SEL1L2: variants seen among roughly 807,000 people sequenced by gnomAD.
The protein encoded by SEL1L2 is protein sel-1 homolog 2.
A neutral mutation model predicts 98.8 loss-of-function variants in SEL1L2; 89 were observed. That is an observed-to-expected ratio of 0.90 (90% CI 0.76 to 1.07). The LOEUF (loss-of-function observed/expected upper bound fraction) is 1.07. Ranked by LOEUF, SEL1L2 falls within the 50% of genes least tolerant of loss-of-function variation. SEL1L2 has a pLI of 0.00. For synonymous variants in SEL1L2, 262 were observed against 278.5 expected (o/e 0.94, Z 0.59); for missense variants, 788 against 812.0 (o/e 0.97, Z 0.36).
intron 1 of SEL1L2, among the ~76,000 whole-genome samples, chr20:13,966,574 C>G (rs957093303): frequency 2.6e-5 from 4 of 152,120 alleles, no homozygotes; most frequent in Non-Finnish European, 5.9e-5. Flanking sequence ...CCCACCCCGG[C>G]CTCCCAAAGT....
upstream of SEL1L2, among the ~76,000 whole-genome samples, chr20:13,992,079 G>A (rs888362917): frequency 1.1e-4 from 17 of 152,230 alleles, 1 homozygote; most frequent in South Asian, 4.2e-4. Context: ...AAGGGGAAGC[G>A]GCAAACAAAG....
chr20:13,887,868 G>C lies in SEL1L2; in HGVS notation c.664-18C>G. 1 of 1,606,446 alleles carries C rather than the reference G, an allele frequency of 6.2e-7. No homozygotes were observed. The highest frequency in any genetic ancestry group is 1.1e-5 in the South Asian group (1 of 90,778). ...CTGTACCCCTAAAACACAGACAGAT[G>C]CATTCTTAATATTCAAGACAATGCT... On this transcript the variant is annotated intron_variant, in intron 7 of 19. Coordinates refer to ENST00000284951, the MANE Select transcript of SEL1L2 (RefSeq NM_025229.2).
chr20:13,934,463 T>C (rs560850284), intron 2 of SEL1L2, among the ~76,000 whole-genome samples: 1 of 1,832 alleles, frequency 5.5e-4, no homozygotes, highest in African/African-American at 9.2e-4. Flanking sequence ...ATATATTCCA[T>C]ATATATATAT....
intron 5 of SEL1L2, among the ~76,000 whole-genome samples, chr20:13,900,308 T>G (rs1176440266): frequency 6.6e-6 from 1 of 152,242 alleles, no homozygotes; most frequent in Admixed American, 6.5e-5. Flanking sequence ...ATTGCTTACA[T>G]TTCTTTCAAT....
intron 1 of SEL1L2, among the ~76,000 whole-genome samples, chr20:13,960,820 C>T (rs6079237): frequency 6.6e-6 from 1 of 152,070 alleles, no homozygotes; most frequent in African/African-American, 2.4e-5. Context: ...ATCTACTTGC[C>T]TGAGGCTTTA....
At chr20:13,890,164 A>G (rs1430321362) in intron 5 of SEL1L2, among the ~76,000 whole-genome samples, 1 of 152,186 alleles carries the variant, frequency 6.6e-6, no homozygotes, top group Non-Finnish European at 1.5e-5. Context: ...AAAAAGCCCA[A>G]CTGACAGTTT....
chr20:13,936,969 G>T (rs1246079357), intron 2 of SEL1L2, among the ~76,000 whole-genome samples: 1 of 152,218 alleles, frequency 6.6e-6, no homozygotes, highest in Non-Finnish European at 1.5e-5. Context: ...ACCTAAAAAT[G>T]TCACAGTGAG....
At chr20:13,890,842 G>A (rs913231479) in intron 5 of SEL1L2, among the ~76,000 whole-genome samples, 4 of 152,126 alleles carry the variant, frequency 2.6e-5, no homozygotes, top group African/African-American at 9.7e-5. Flanking sequence ...CAGAAATTCT[G>A]AAGCTGAAGA....
rs2046115768 is a variant in SEL1L2, at chr20:13,870,181, C to T, written c.1127G>A (p.Gly376Glu). 6.2e-7 allele frequency: 1 copy of T among 1,610,904 alleles called. No individual in the cohort carries two copies. The highest frequency in any genetic ancestry group is 1.7e-5 in the Admixed American group (1 of 59,876). ...TCCATGAAAGTAAAGAAGACCAAGC[C>T]CATGAAGGCCGATTGCATTGCCCTA... ...ASKGNAIGLH[G>E]LGLLYFHGKG... The change falls in exon 13 of 20, where the codon GGG becomes GAG. Residue 376 changes from glycine to glutamate, a missense_variant. Physicochemically the swap from Gly to Glu is moderately conservative, Grantham distance 98. Transcript: ENST00000284951.
upstream of SEL1L2, chr20:13,995,303 C>CCA (rs1405353095): frequency 4.1e-6 from 1 of 243,836 alleles, no homozygotes; most frequent in South Asian, 4.4e-5. This position sits in a 1 kb window ranked among gnomAD's most constrained non-coding sequence, Gnocchi z 4.3. Flanking sequence ...TCCGCCCCCT[C>CCA]GCTCCCTGGC....
chr20:13,888,462 A>G lies in SEL1L2; in HGVS notation c.600T>C (p.Ala200=), dbSNP rs777387662. The change falls in exon 6 of 20, where the codon GCT becomes GCC. Residue 200 remains alanine, a synonymous_variant. Transcript: ENST00000284951. ...AATAAAACAGAATGATCTTTACCTTAGCTTGATCATATTCCATTCCTATTC... is the reference window on the plus strand; with the variant it reads ...AATAAAACAGAATGATCTTTACCTTGGCTTGATCATATTCCATTCCTATTC... The part of the protein sequence containing the change: ...SYGIGMEYDQ[A]KALIYYTFGS... 4 of 1,557,510 alleles carry G rather than the reference A, an allele frequency of 2.6e-6. No homozygotes were observed. In the East Asian group the frequency reaches 9.0e-5, roughly 35 times the overall value.
chr20:13,865,182 G>T lies in SEL1L2; in HGVS notation c.1630C>A (p.Arg544=), dbSNP rs181883053. ...GGTTCCATACCTTGAATGGCAGCTC[G>T]ATTCCATAGGAGAAGCGCCATTGGA... is the stretch of plus-strand genomic sequence containing the variant. ...MYPMALLLWN[R]AAIQGNAFAR... Residue 544 remains arginine (R), a synonymous_variant, in exon 17 of 20, where the codon CGA becomes AGA. Transcript: ENST00000284951. 6.2e-7 allele frequency: 1 copy of T among 1,612,312 alleles called. No homozygotes were observed. The highest frequency in any genetic ancestry group is 1.3e-5 in the African/African-American group (1 of 74,886).
At chr20:13,977,598 A>G (rs905459846) in intron 1 of SEL1L2, among the ~76,000 whole-genome samples, 2 of 152,206 alleles carry the variant, frequency 1.3e-5, no homozygotes, top group African/African-American at 4.8e-5. Context: ...GTGCAAAAAA[A>G]AGTGGAGTGG....
At chr20:13,905,088 A>G (rs1462401644) in intron 5 of SEL1L2, among the ~76,000 whole-genome samples, 1 of 152,138 alleles carries the variant, frequency 6.6e-6, no homozygotes, top group African/African-American at 2.4e-5. Flanking sequence ...GAGTAAAACC[A>G]TGCTTTTACC....
chr20:13,979,234 G>A (rs1036321208), intron 1 of SEL1L2, among the ~76,000 whole-genome samples: 1 of 152,186 alleles, frequency 6.6e-6, no homozygotes, highest in African/African-American at 2.4e-5. Flanking sequence ...GAGTAGAATT[G>A]TGGTTATTAG....
rs929400768 is a variant in SEL1L2 at position 13,931,530 on chromosome 20, A to G, written c.283+73T>C. 7 of 933,018 alleles carry G rather than the reference A, an allele frequency of 7.5e-6. No individual in the cohort carries two copies. In the South Asian group the frequency reaches 1.8e-4, roughly 24 times the overall value. The allele number at this position is 933,018 out of a possible 1,614,324, so 57.8% of individuals were successfully genotyped here. On this transcript the variant is annotated intron_variant, in intron 3 of 19. Coordinates refer to ENST00000284951, the MANE Select transcript of SEL1L2 (RefSeq NM_025229.2). ...GACTATATCCTAAGACTTCTCAGAAAGTAGCTCTAAAATTTGATTTTATAT... is the reference window on the plus strand; with the variant it reads ...GACTATATCCTAAGACTTCTCAGAAGGTAGCTCTAAAATTTGATTTTATAT...
At position 13,913,923 on chromosome 20, in the gene SEL1L2, T is replaced by C; in HGVS notation, c.408A>G (p.Lys136=). ...CTTTCAAGTTTCCCATGTCAGCTGCTTTGGCAAAAAGTAGGTAGGCTCTGT... is the reference window on the plus strand; with the variant it reads ...CTTTCAAGTTTCCCATGTCAGCTGCCTTGGCAAAAAGTAGGTAGGCTCTGT... ...QKEEAYLLFA[K]AADMGNLKAM... is the part of the protein sequence containing the mutation. Residue 136 remains lysine (K), a synonymous_variant, in exon 5 of 20, where the codon AAA becomes AAG. Coordinates refer to ENST00000284951, the MANE Select transcript of SEL1L2 (RefSeq NM_025229.2). 1 of 1,560,692 alleles carries C rather than the reference T, an allele frequency of 6.4e-7. No individual in the cohort carries two copies. The highest frequency in any genetic ancestry group is 1.4e-5 in the African/African-American group (1 of 71,096).
chr20:13,889,745 C>T (rs1413696957), intron 5 of SEL1L2, among the ~76,000 whole-genome samples: 5 of 152,040 alleles, frequency 3.3e-5, no homozygotes, highest in African/African-American at 7.2e-5. Flanking sequence ...GCACCAAGAT[C>T]GCGCCACTGC....
chr20:13,858,307 G>T (rs1054380308), intron 18 of SEL1L2, among the ~76,000 whole-genome samples: 4 of 151,994 alleles, frequency 2.6e-5, no homozygotes, highest in Non-Finnish European at 4.4e-5. Context: ...CTCTAGAAAC[G>T]CAGCCAGGAA....
Sources: allele counts gnomAD v4.1 joint callset (sites outside exome capture counted in the v4.1 genomes callset), GRCh38; gene constraint gnomAD v4.1.1; non-coding constraint Gnocchi (gnomAD v3.1); transcripts MANE v1.5; gene names NCBI Gene and HGNC (gene_info 2026-07-23, HGNC 2026-07-21).